The following ZNF514 variants were observed in gnomAD, a reference collection of about 807,000 sequenced individuals.
ZNF514 encodes zinc finger protein 514.
Under a neutral mutation model 9.7 loss-of-function variants are expected in ZNF514, and 12 were observed. The observed-to-expected ratio is 1.24, with a 90% CI of 0.79 to 2.01. The LOEUF is 2.01. ZNF514 is among the 30% of genes most tolerant of loss of function. ZNF514 has a pLI of 0.00. For synonymous variants in ZNF514, 158 were observed against 163.7 expected (o/e 0.97, Z 0.27); for missense variants, 467 against 465.5 (o/e 1.00, Z -0.03).
chr2:95,129,219 T>C, the ZNF514 span, among the ~76,000 whole-genome samples: 1 of 152,210 alleles, frequency 6.6e-6, no homozygotes, highest in Non-Finnish European at 1.5e-5. Flanking sequence ...TGGTGAAAAC[T>C]ATTAAGAAGC....
intron 1 of ZNF514, among the ~76,000 whole-genome samples, chr2:95,157,779 C>G (rs1332062260): frequency 2.0e-5 from 3 of 152,174 alleles, no homozygotes; most frequent in Non-Finnish European, 4.4e-5. Flanking sequence ...TGGAAAAGAA[C>G]TTCAAGGAAC....
At chr2:95,126,296 A>C in the ZNF514 span, among the ~76,000 whole-genome samples, 1 of 142,342 alleles carries the variant, frequency 7.0e-6, no homozygotes, top group Non-Finnish European at 1.5e-5. Context: ...ACCTGAACCC[A>C]GGAGGTAGAG....
rs1673430517 is a variant in ZNF514, at chr2:95,148,629, C to CATCA, written c.*649_*652dup. 6.6e-6 allele frequency: 1 copy of CATCA among 152,284 alleles called. No homozygotes were observed. The highest frequency in any genetic ancestry group is 2.4e-5 in the African/African-American group (1 of 41,464). 9.4% of individuals were successfully genotyped at this position (152,284 alleles called of 1,614,324 possible). A position where few individuals can be genotyped will look rare whatever the true frequency, so the allele number is the denominator to read the frequency against. On this transcript the variant is annotated 3_prime_UTR_variant, in exon 5 of 5. Transcript: ENST00000295208. Reference sequence around the variant, plus strand: ...CATCCACCAAAGCCCTTCCCACATTCATCACGTCACCAGAGTTTCCAGCTA... The same window carrying CATCA: ...CATCCACCAAAGCCCTTCCCACATTCATCAATCACGTCACCAGAGTTTCCAGCTA...
downstream of ZNF514, among the ~76,000 whole-genome samples, chr2:95,141,388 T>G (rs1387411424): frequency 2.0e-5 from 3 of 152,146 alleles, 1 homozygote. Flanking sequence ...CAAAGGTACT[T>G]CCAGAATACC....
At chr2:95,127,644 A>T in the ZNF514 span, among the ~76,000 whole-genome samples, 2 of 151,118 alleles carry the variant, frequency 1.3e-5, no homozygotes, top group Admixed American at 1.3e-4. Flanking sequence ...TGAGACAGAG[A>T]TTTGCTCTTA....
intron 4 of ZNF514, among the ~76,000 whole-genome samples, chr2:95,150,754 T>TC (rs1198930073): frequency 1.3e-5 from 2 of 152,224 alleles, no homozygotes; most frequent in African/African-American, 4.8e-5. Context: ...AATGCCCATT[T>TC]CCTTAAGTTT....
downstream of ZNF514, among the ~76,000 whole-genome samples, chr2:95,140,857 C>A (rs1181521084): frequency 6.6e-6 from 1 of 151,798 alleles, no homozygotes; most frequent in Admixed American, 6.6e-5. Context: ...TGCCTATAGT[C>A]CCAGCTACTC....
rs1243155656 is a variant in ZNF514, at chr2:95,148,347, T to C, written c.*935A>G. ...ACAGCATGAGGAGGCAATGCACAAG[T>C]GTCGTTATACAAATGGCCCCACCAG... is the stretch of plus-strand genomic sequence containing the variant. On this transcript the variant is annotated 3_prime_UTR_variant, in exon 5 of 5. Transcript: ENST00000295208. 1.3e-5 allele frequency: 2 copies of C among 152,238 alleles called. No homozygotes were observed. The highest frequency in any genetic ancestry group is 6.5e-5 in the Admixed American group (1 of 15,284). 9.4% of individuals were successfully genotyped at this position (152,238 alleles called of 1,614,324 possible).
the ZNF514 span, among the ~76,000 whole-genome samples, chr2:95,138,950 C>G: frequency 6.6e-6 from 1 of 152,224 alleles, no homozygotes; most frequent in South Asian, 2.1e-4. Context: ...TGCACAGCCT[C>G]AGGACAGTGC....
At chr2:95,138,412 G>T in the ZNF514 span, among the ~76,000 whole-genome samples, 1 of 152,180 alleles carries the variant, frequency 6.6e-6, no homozygotes. Flanking sequence ...CAAGGTATCA[G>T]ATAGAAATGA....
chr2:95,143,245 G>C (rs913861939), downstream of ZNF514, among the ~76,000 whole-genome samples: 1 of 152,198 alleles, frequency 6.6e-6, no homozygotes, highest in Non-Finnish European at 1.5e-5. Flanking sequence ...GGAAGTCCTT[G>C]ACAGTCTTAG....
At chr2:95,131,205 C>T in the ZNF514 span, among the ~76,000 whole-genome samples, 3 of 152,176 alleles carry the variant, frequency 2.0e-5, no homozygotes, top group Non-Finnish European at 4.4e-5. Context: ...GCCTTGACAT[C>T]TGGTGAAATC....
Position 95,156,403 on chromosome 2 carries a change from C to T in ZNF514, c.-7+948G>A, listed in dbSNP as rs966057854. 1.4e-4 allele frequency among the ~76,000 whole-genome samples: 22 copies of T among 152,162 alleles called. 1 individual carries two copies. The highest frequency in any genetic ancestry group is 1.3e-3 in the Admixed American group (20 of 15,282). On this transcript the variant is annotated intron_variant, in intron 2 of 4. Transcript: ENST00000295208. The stretch of plus-strand genomic sequence containing the variant: ...AGCGGACTCTAACAACAACATGAGG[C>T]GGCTCTATGATTGAGTGGTTAAGAT...
chr2:95,135,901 C>G, the ZNF514 span, among the ~76,000 whole-genome samples: 6,344 of 151,626 alleles, frequency 0.042, 432 homozygotes, highest in African/African-American at 0.14. Context: ...GAAACCCCCT[C>G]TCTACTAAAA....
rs544832373 is a variant in ZNF514, at chr2:95,159,316, A to C, written c.-172T>G. 22 of 161,986 alleles carry C rather than the reference A, an allele frequency of 1.4e-4. No homozygotes were observed. The highest frequency in any genetic ancestry group is 2.8e-4 in the Non-Finnish European group (21 of 73,986). 10.0% of individuals were successfully genotyped at this position (161,986 alleles called of 1,614,324 possible). On this transcript the variant is annotated 5_prime_UTR_variant, in exon 1 of 5. Coordinates refer to ENST00000295208, the MANE Select transcript of ZNF514 (RefSeq NM_032788.3). ...GGATCCACACGCACAGTGGGCTCAG[A>C]CTACCAGGAGACACGGCCACAGCCA...
At position 95,150,215 on chromosome 2, in the gene ZNF514, G is replaced by A. The variant is rs2104466412; in HGVS notation, c.270C>T (p.Ser90=). ...SKESMPSWGI[S]KEELFQVVSV... is the part of the protein sequence containing the mutation. ...ATACTACCTGGAATAATTCTTCTTT[G>A]GAAATTCCCCAACTTGGCATTGATT... Residue 90 remains serine, a synonymous_variant, in exon 5 of 5, where the codon TCC becomes TCT. Coordinates refer to ENST00000295208, the MANE Select transcript of ZNF514 (RefSeq NM_032788.3). 6.3e-7 allele frequency: 1 copy of A among 1,596,116 alleles called. No homozygotes were observed. Among genetic ancestry groups the A allele is most frequent in the East Asian group, 2.2e-5 (1 of 44,478 alleles).
At position 95,148,995 on chromosome 2, in the gene ZNF514, C is replaced by T. The variant is rs1000534061; in HGVS notation, c.*287G>A. The T allele has an allele frequency of 4.0e-5, 14 of 348,090 alleles. No homozygotes were observed. Among genetic ancestry groups the T allele is most frequent in the African/African-American group, 1.7e-4 (8 of 47,672 alleles). 21.6% of individuals were successfully genotyped at this position (348,090 alleles called of 1,614,324 possible). A position where few individuals can be genotyped will look rare whatever the true frequency, so the allele number is the denominator to read the frequency against. On this transcript the variant is annotated 3_prime_UTR_variant, in exon 5 of 5. Transcript: ENST00000295208. ...CATTGATAAGGCTCCTCCCCAGTGT[C>T]GGCTGTCTGATGCTGAATAATATGC... is the stretch of plus-strand genomic sequence containing the variant.
chr2:95,146,617 G>A lies in ZNF514; in HGVS notation c.*2665C>T, dbSNP rs1391388323. On this transcript the variant is annotated 3_prime_UTR_variant, in exon 5 of 5. Coordinates refer to ENST00000295208, the MANE Select transcript of ZNF514 (RefSeq NM_032788.3). Reference sequence around the variant, plus strand: ...AAAGAGGGCATTATATACCACACACGGGGGGTGAGGATTTATCTTGTAGGC... The same window carrying A: ...AAAGAGGGCATTATATACCACACACAGGGGGTGAGGATTTATCTTGTAGGC... Among the ~76,000 whole-genome samples, 1 of 150,422 alleles carries A rather than the reference G, an allele frequency of 6.6e-6. No individual in the cohort carries two copies. The highest frequency in any genetic ancestry group is 1.5e-5 in the Non-Finnish European group (1 of 67,704).
chr2:95,132,120 G>A, the ZNF514 span, among the ~76,000 whole-genome samples: 1 of 139,478 alleles, frequency 7.2e-6, no homozygotes, highest in Non-Finnish European at 1.5e-5. Context: ...ACTCCAGCCT[G>A]GACGACAGAG....
Sources: gnomAD v4.1 joint callset for allele counts (sites outside exome capture counted in the v4.1 genomes callset) on GRCh38, gnomAD v4.1.1 for gene constraint, MANE v1.5 for transcripts, NCBI Gene and HGNC (gene_info 2026-07-23, HGNC 2026-07-21) for gene names.